The following SMYD3 variants were observed in gnomAD, a reference collection of about 807,000 sequenced individuals.
The protein encoded by SMYD3 is SET and MYND domain containing 3, also known as histone-lysine N-methyltransferase SMYD3.
Under a neutral mutation model 57.7 loss-of-function variants are expected in SMYD3, and 36 were observed. The observed-to-expected ratio is 0.62, with a 90% CI of 0.48 to 0.82. The LOEUF (loss-of-function observed/expected upper bound fraction) is 0.82, where lower values mean the gene tolerates loss of function less well. Among genes scored for constraint, SMYD3 ranks in the 40% least tolerant of loss-of-function variants. The pLI is 0.00. For synonymous variants in SMYD3, 211 were observed against 195.0 expected, an observed-to-expected ratio of 1.08 and a Z score of -0.68; for missense variants, 515 against 538.8, an observed-to-expected ratio of 0.96 and a Z score of 0.44.
intron 5 of SMYD3, among the ~76,000 whole-genome samples, chr1:246,082,834 T>A (rs2060659082): frequency 2.0e-5 from 3 of 152,088 alleles, no homozygotes; most frequent in African/African-American, 7.2e-5. Context: ...CTGTGCTCCC[T>A]GAAACATGTG....
rs72768769 is a variant in SMYD3, at chr1:245,931,073, C to T, written c.532-1136G>A. 5.2e-3 allele frequency among the ~76,000 whole-genome samples: 797 copies of T among 152,298 alleles called. 6 individuals are homozygous for T. The highest frequency in any genetic ancestry group is 0.011 in the Admixed American group (168 of 15,296). ...GAGCAAGAAAGTAGGGGGCAAAACA[C>T]GAGCTCAAAGACGGAGTGGGATCAC... On this transcript the variant is annotated intron_variant, in intron 5 of 11. Transcript: ENST00000490107.
intron 5 of SMYD3, among the ~76,000 whole-genome samples, chr1:245,938,101 T>C (rs2057054914): frequency 6.6e-6 from 1 of 152,246 alleles, no homozygotes; most frequent in Admixed American, 6.5e-5. Flanking sequence ...CCTTTCACTA[T>C]GTAGAAATTA....
chr1:245,921,576 T>C (rs140493522), intron 7 of SMYD3, among the ~76,000 whole-genome samples: 3,040 of 147,554 alleles, frequency 0.021, 134 homozygotes, highest in African/African-American at 0.071. Context: ...TATATACACA[T>C]ACCATGGAAT....
intron 7 of SMYD3, 152 bp downstream of exon 7, chr1:245,927,779 C>A (rs1337986787): frequency 3.3e-6 from 2 of 605,674 alleles, no homozygotes; most frequent in Non-Finnish European, 6.0e-6. Flanking sequence ...GGATAGGTTG[C>A]TGGGGAGAGG....
chr1:245,761,193 T>C (rs1273138794), intron 11 of SMYD3, among the ~76,000 whole-genome samples: 9 of 152,200 alleles, frequency 5.9e-5, no homozygotes, highest in Admixed American at 5.9e-4. Context: ...ACAGATAATC[T>C]GATGCTGCTC....
chr1:246,224,556 G>A (rs1364542913), intron 5 of SMYD3, among the ~76,000 whole-genome samples: 1 of 151,900 alleles, frequency 6.6e-6, no homozygotes, highest in Non-Finnish European at 1.5e-5. Flanking sequence ...AAGGGAAGGT[G>A]CAGGGATTAC....
intron 8 of SMYD3, among the ~76,000 whole-genome samples, chr1:245,902,273 G>A (rs1358593176): frequency 6.6e-6 from 1 of 152,190 alleles, no homozygotes; most frequent in African/African-American, 2.4e-5. Flanking sequence ...AAATGGAGCT[G>A]AAGCACATTT....
chr1:246,068,821 C>T (rs1572973063), intron 5 of SMYD3, among the ~76,000 whole-genome samples: 1 of 152,268 alleles, frequency 6.6e-6, no homozygotes, highest in Non-Finnish European at 1.5e-5. Context: ...GGCATAACAG[C>T]CATCCTTTTG....
chr1:246,185,990 A>G (rs945024140), intron 5 of SMYD3, among the ~76,000 whole-genome samples: 2 of 152,196 alleles, frequency 1.3e-5, no homozygotes, highest in African/African-American at 4.8e-5. Flanking sequence ...AAATCATAGA[A>G]TCACAGACTA....
At chr1:245,833,538 T>C (rs1230635656) in intron 10 of SMYD3, among the ~76,000 whole-genome samples, 1 of 152,236 alleles carries the variant, frequency 6.6e-6, no homozygotes, top group African/African-American at 2.4e-5. Flanking sequence ...ACCCTTCTCA[T>C]TACATCCTAT....
chr1:245,978,519 T>G (rs1290843833), intron 5 of SMYD3, among the ~76,000 whole-genome samples: 2 of 152,234 alleles, frequency 1.3e-5, no homozygotes, highest in East Asian at 3.9e-4. Flanking sequence ...TCTTTCTACT[T>G]CACGAGTGGG....
chr1:245,927,963 G>T lies in SMYD3; in HGVS notation c.670C>A (p.Arg224=), dbSNP rs777672375. The T allele has an allele frequency of 2.1e-5, 34 of 1,612,488 alleles. No homozygotes were observed. Among genetic ancestry groups the T allele is most frequent in the Non-Finnish European group, 2.8e-5 (33 of 1,179,144 alleles). Residue 224 remains arginine, a synonymous_variant, in exon 7 of 12, where the codon CGA becomes AGA. Transcript: ENST00000490107. ...CCCACCTCGATGTCTCGGACTGCTCGCAGTAAGAGGTGGGGCCCATTGAAC... is the reference window on the plus strand; with the variant it reads ...CCCACCTCGATGTCTCGGACTGCTCTCAGTAAGAGGTGGGGCCCATTGAAC... ...IVFNGPHLLL[R]AVRDIEVGEE... is the part of the protein sequence containing the mutation.
At chr1:245,993,595 T>TAGATAGATAGATAGAC (rs2058855283) in intron 5 of SMYD3, among the ~76,000 whole-genome samples, 11 of 23,554 alleles carry the variant, frequency 4.7e-4, no homozygotes, top group East Asian at 8.2e-4. Context: ...GATAGATAGA[T>TAGATAGATAGATAGAC]AGATAGATAG....
At position 246,202,117 on chromosome 1, in the gene SMYD3, T is replaced by A. The variant is rs766354498; in HGVS notation, c.531+125084A>T. Among the ~76,000 whole-genome samples, 5 of 152,158 alleles carry A rather than the reference T, an allele frequency of 3.3e-5. No homozygotes were observed. Among genetic ancestry groups the A allele is most frequent in the Non-Finnish European group, 4.4e-5 (3 of 68,036 alleles). ...CAAAATAATAATTATTATTTCTAGA[T>A]GGTGAGCTAATGGGTGATTTTTATT... On this transcript the variant is annotated intron_variant, in intron 5 of 11. Transcript: ENST00000490107. This position sits in a 1 kb window ranked among gnomAD's most constrained non-coding sequence, Gnocchi z 4.1.
At chr1:245,903,829 C>G (rs1397164479) in intron 8 of SMYD3, among the ~76,000 whole-genome samples, 1 of 152,220 alleles carries the variant, frequency 6.6e-6, no homozygotes, top group South Asian at 2.1e-4. Context: ...CGAGGCTGCA[C>G]ACTGCAGGGG....
intron 10 of SMYD3, among the ~76,000 whole-genome samples, chr1:245,772,220 C>T (rs947506747): frequency 6.6e-6 from 1 of 152,240 alleles, no homozygotes; most frequent in Non-Finnish European, 1.5e-5. Flanking sequence ...TTCGTGGTGT[C>T]ACACAGGATT....
rs143442064 is a variant in SMYD3 at position 246,067,684 on chromosome 1, C to T, written c.532-137747G>A. ...GCAGTAAGGGCGACTCGCTCCTGGA[C>T]GTGAATCTAGCATGCAAGATCATTT... On this transcript the variant is annotated intron_variant, in intron 5 of 11. Coordinates refer to ENST00000490107, the MANE Select transcript of SMYD3 (RefSeq NM_001167740.2). Among the ~76,000 whole-genome samples, 321 of 152,210 alleles carry T rather than the reference C, an allele frequency of 2.1e-3. 3 individuals carry two copies. Among genetic ancestry groups the T allele is most frequent in the African/African-American group, 6.7e-3 (279 of 41,524 alleles).
chr1:246,290,134 T>C (rs2064659263), intron 5 of SMYD3, among the ~76,000 whole-genome samples: 1 of 152,120 alleles, frequency 6.6e-6, no homozygotes, highest in Admixed American at 6.5e-5. Context: ...CATTAGCATA[T>C]GAAGAGAGGA....
chr1:245,839,629 C>T (rs771984704), intron 10 of SMYD3, among the ~76,000 whole-genome samples: 1 of 138,428 alleles, frequency 7.2e-6, no homozygotes, highest in Non-Finnish European at 1.5e-5. Flanking sequence ...ATGATGGATA[C>T]GCAACTATGT....
Sources: allele counts gnomAD v4.1 joint callset (sites outside exome capture counted in the v4.1 genomes callset), GRCh38; gene constraint gnomAD v4.1.1; non-coding constraint Gnocchi (gnomAD v3.1); transcripts MANE v1.5; gene names NCBI Gene and HGNC (gene_info 2026-07-23, HGNC 2026-07-21).